Variants in SH3BGRL observed in about 807,000 individuals in gnomAD.
SH3BGRL encodes the protein adapter SH3BGRL.
A neutral mutation model predicts 9.8 loss-of-function variants in SH3BGRL; 7 were observed. The observed-to-expected ratio is 0.72, with a 90% CI of 0.41 to 1.35. The LOEUF is 1.35. SH3BGRL is among the 40% of genes most tolerant of loss of function. SH3BGRL has a pLI of 0.01. For synonymous variants in SH3BGRL, 36 were observed against 29.1 expected (o/e 1.24, Z -0.76); for missense variants, 73 against 84.4 (o/e 0.86, Z 0.53).
intron 1 of SH3BGRL, among the ~76,000 whole-genome samples, chrX:81,258,157 T>C (rs1405684225): frequency 8.9e-6 from 1 of 111,839 alleles, no homozygotes; most frequent in Non-Finnish European, 1.9e-5. Context: ...AATTTTGATA[T>C]CATTAACATT....
chrX:81,292,134 A>AC (rs1320073916), intron 3 of SH3BGRL, among the ~76,000 whole-genome samples: 44 of 111,523 alleles, frequency 3.9e-4, no homozygotes, highest in South Asian at 1.5e-3. Flanking sequence ...GGGGGCTCCA[A>AC]CCCCACATTT....
intron 3 of SH3BGRL, among the ~76,000 whole-genome samples, chrX:81,280,546 G>A (rs2075813277): frequency 9.0e-6 from 1 of 111,521 alleles, no homozygotes; most frequent in Admixed American, 9.5e-5. Context: ...AGACTCGCTG[G>A]GTAGCTAGAC....
At chrX:81,221,360 C>T (rs2075599640) in intron 1 of SH3BGRL, among the ~76,000 whole-genome samples, 1 of 111,692 alleles carries the variant, frequency 9.0e-6, no homozygotes, top group African/African-American at 3.3e-5. Context: ...CATGTCGCTG[C>T]TACAATTAAA....
chrX:81,212,681 G>C (rs1383489652), intron 1 of SH3BGRL, among the ~76,000 whole-genome samples: 2 of 111,157 alleles, frequency 1.8e-5, no homozygotes, highest in African/African-American at 6.6e-5. Flanking sequence ...TATCTCACTT[G>C]GGATTTAATC....
intron 3 of SH3BGRL, among the ~76,000 whole-genome samples, chrX:81,295,901 CA>C (rs2075872793): frequency 9.0e-6 from 1 of 111,578 alleles, no homozygotes. Flanking sequence ...CAAATTGTAC[CA>C]ACCTTTCCTC....
intron 1 of SH3BGRL, among the ~76,000 whole-genome samples, chrX:81,233,355 A>G (rs2075638816): frequency 8.9e-6 from 1 of 111,966 alleles, no homozygotes; most frequent in Non-Finnish European, 1.9e-5. Context: ...TTCTCCCTCC[A>G]TATTCTTCAT....
At chrX:81,202,621 T>C (rs769154330) in intron 1 of SH3BGRL, 20 of 743,041 alleles carry the variant, frequency 2.7e-5, no homozygotes, top group Non-Finnish European at 3.2e-5. Context: ...CCCTAAGTAC[T>C]GAGACAAGGA....
Position 81,221,452 on chromosome X carries a change from A to C in SH3BGRL, c.45+19207A>C, listed in dbSNP as rs747276724. Among the ~76,000 whole-genome samples the C allele has an allele frequency of 4.5e-5, 5 of 111,893 alleles. No individual in the cohort carries two copies. In the Admixed American group the frequency reaches 4.8e-4, roughly 11 times the overall value. ...TGCCTTTGGCCAACTGTATGGCAAAAAGTCTAAGTGCTAAAGTAATTATTT... is the reference window on the plus strand; with the variant it reads ...TGCCTTTGGCCAACTGTATGGCAAACAGTCTAAGTGCTAAAGTAATTATTT... On this transcript the variant is annotated intron_variant, in intron 1 of 3. Coordinates refer to ENST00000373212, the MANE Select transcript of SH3BGRL (RefSeq NM_003022.3).
At chrX:81,270,972 A>G (rs977210712) in intron 1 of SH3BGRL, among the ~76,000 whole-genome samples, 6 of 111,651 alleles carry the variant, frequency 5.4e-5, no homozygotes, top group African/African-American at 1.6e-4. Context: ...TCCCCCCCCA[A>G]CCAAGCTCCC....
At chrX:81,292,335 C>A (rs1403439662) in intron 3 of SH3BGRL, among the ~76,000 whole-genome samples, 2 of 112,135 alleles carry the variant, frequency 1.8e-5, no homozygotes, top group Non-Finnish European at 1.9e-5. Context: ...TAGCTTCCAT[C>A]ATCTGGAGCA....
chrX:81,276,169 C>G (rs1045331600), intron 1 of SH3BGRL, among the ~76,000 whole-genome samples: 2 of 109,835 alleles, frequency 1.8e-5, no homozygotes, highest in African/African-American at 6.6e-5. Context: ...AAATGCATGT[C>G]GGAAGAGAAA....
intron 1 of SH3BGRL, among the ~76,000 whole-genome samples, chrX:81,271,079 C>T (rs1014024167): frequency 2.7e-5 from 3 of 112,072 alleles, no homozygotes; most frequent in South Asian, 3.7e-4. Flanking sequence ...ATCTCCTGGT[C>T]GGCTGGTTGC....
chrX:81,247,960 T>A (rs995947140), intron 1 of SH3BGRL, among the ~76,000 whole-genome samples: 2 of 109,587 alleles, frequency 1.8e-5, no homozygotes, highest in Non-Finnish European at 3.8e-5. Context: ...TTTTTTTTTT[T>A]AAATTACTGC....
intron 1 of SH3BGRL, among the ~76,000 whole-genome samples, chrX:81,205,675 G>C (rs964950894): frequency 9.1e-6 from 1 of 109,823 alleles, no homozygotes; most frequent in Non-Finnish European, 1.9e-5. Flanking sequence ...CCAAAAGTGA[G>C]ATTGCTAAAT....
chrX:81,260,547 A>G (rs1333254336), intron 1 of SH3BGRL, among the ~76,000 whole-genome samples: 1 of 110,700 alleles, frequency 9.0e-6, no homozygotes, highest in African/African-American at 3.3e-5. Context: ...TCCATAACCC[A>G]TTGCTAGCAC....
intron 1 of SH3BGRL, among the ~76,000 whole-genome samples, chrX:81,251,771 T>A (rs190320741): frequency 2.7e-5 from 3 of 112,308 alleles, no homozygotes; most frequent in Non-Finnish European, 1.9e-5. Context: ...AAACTGAGGC[T>A]GTGGAACCAG....
chrX:81,285,296 T>C (rs2075830837), intron 3 of SH3BGRL, among the ~76,000 whole-genome samples: 1 of 111,763 alleles, frequency 8.9e-6, no homozygotes, highest in South Asian at 3.7e-4. Context: ...ATAAAATGTT[T>C]AGCTGTAAAT....
chrX:81,214,965 C>G (rs2147668951), intron 1 of SH3BGRL, among the ~76,000 whole-genome samples: 1 of 111,402 alleles, frequency 9.0e-6, no homozygotes, highest in East Asian at 2.8e-4. Context: ...CTCGCTAATG[C>G]CAACCTAGCT....
At chrX:81,266,411 G>C (rs1055067663) in intron 1 of SH3BGRL, among the ~76,000 whole-genome samples, 5 of 111,283 alleles carry the variant, frequency 4.5e-5, no homozygotes, top group African/African-American at 1.6e-4. Context: ...TCAGATTTTT[G>C]CATATGGCTA....
Sources: allele counts gnomAD v4.1 joint callset (sites outside exome capture counted in the v4.1 genomes callset), GRCh38; gene constraint gnomAD v4.1.1; transcripts MANE v1.5; gene names NCBI Gene and HGNC (gene_info 2026-07-23, HGNC 2026-07-21).